The following PCDH15 variants were observed in gnomAD, a reference collection of about 807,000 sequenced individuals.
The protein encoded by PCDH15 is protocadherin-15.
Under a neutral mutation model 178.5 loss-of-function variants are expected in PCDH15, and 129 were observed. The ratio of observed to expected loss-of-function variants is 0.72; its 90% CI spans 0.63 to 0.84. The LOEUF is 0.84. Among genes scored for constraint, PCDH15 ranks in the 40% least tolerant of loss-of-function variants. PCDH15 has a pLI of 0.00. For missense variants in PCDH15, 2,230 were observed against 2,099.9 expected, an observed-to-expected ratio of 1.06 and a Z score of -1.21; for synonymous variants, 800 against 732.0, an observed-to-expected ratio of 1.09 and a Z score of -1.50.
chr10:54,015,328 G>T (rs565520689), intron 20 of PCDH15, among the ~76,000 whole-genome samples: 1 of 152,122 alleles, frequency 6.6e-6, no homozygotes, highest in South Asian at 2.1e-4. Flanking sequence ...TGGCCATACT[G>T]CCCAAAACAA....
At chr10:55,503,038 C>T (rs1840689359) in intron 2 of PCDH15, among the ~76,000 whole-genome samples, 1 of 151,390 alleles carries the variant, frequency 6.6e-6, no homozygotes, top group African/African-American at 2.4e-5. Context: ...TACAGATTAA[C>T]TCATTCATTA....
In PCDH15 at chr10:55,545,991, T is replaced by G. The variant is rs570781094; in HGVS notation, c.-156+81634A>C. On this transcript the variant is annotated intron_variant, in intron 2 of 5. Transcript: ENST00000613346. ...ACTTAATTAATAAAATAAATGCCTATAAAGAGAAAAGTCAATGATGTTATT... is the reference window on the plus strand; with the variant it reads ...ACTTAATTAATAAAATAAATGCCTAGAAAGAGAAAAGTCAATGATGTTATT... 3.9e-5 allele frequency among the ~76,000 whole-genome samples: 6 copies of G among 152,214 alleles called. No individual in the cohort carries two copies. In the South Asian group the frequency reaches 1.2e-3, roughly 32 times the overall value.
At chr10:55,315,859 T>C (rs1588905825) in intron 1 of PCDH15, among the ~76,000 whole-genome samples, 2 of 151,886 alleles carry the variant, frequency 1.3e-5, no homozygotes, top group East Asian at 1.9e-4. Context: ...CTACTAAAAA[T>C]ACAAAAATTT....
chr10:55,058,136 A>G (rs1479642673), intron 2 of PCDH15, among the ~76,000 whole-genome samples: 2 of 152,158 alleles, frequency 1.3e-5, no homozygotes, highest in African/African-American at 4.8e-5. Context: ...ATTCATTCAA[A>G]TGCATCCATG....
intron 2 of PCDH15, chr10:54,608,019 A>G (rs1045629763): frequency 2.2e-6 from 1 of 452,168 alleles, no homozygotes; most frequent in Non-Finnish European, 4.2e-6. Flanking sequence ...AGACTTGCAC[A>G]CATAAGGAAT....
intron 1 of PCDH15, among the ~76,000 whole-genome samples, chr10:55,274,858 G>A (rs1289368570): frequency 6.6e-6 from 1 of 151,932 alleles, no homozygotes; most frequent in Admixed American, 6.6e-5. Context: ...TCAAAATAGG[G>A]TCCCCGCTCT....
chr10:55,305,995 A>G (rs1203054239), intron 1 of PCDH15, among the ~76,000 whole-genome samples: 1 of 152,224 alleles, frequency 6.6e-6, no homozygotes, highest in Non-Finnish European at 1.5e-5. Flanking sequence ...TTTTACATTT[A>G]AAAACAACTT....
At chr10:54,316,572 ACAC>A (rs1467470500) in intron 8 of PCDH15, among the ~76,000 whole-genome samples, 7 of 42,964 alleles carry the variant, frequency 1.6e-4, no homozygotes, top group Non-Finnish European at 3.3e-4. Flanking sequence ...ACACACACAC[ACAC>A]AAATACACCT....
At chr10:54,102,322 C>T (rs559366951) in intron 15 of PCDH15, among the ~76,000 whole-genome samples, 104 of 152,296 alleles carry the variant, frequency 6.8e-4, no homozygotes, top group African/African-American at 2.1e-3. Context: ...CTGATGTTTC[C>T]GGTGGGCCTT....
intron 2 of PCDH15, among the ~76,000 whole-genome samples, chr10:54,565,015 G>T (rs2133437574): frequency 6.6e-6 from 1 of 152,232 alleles, no homozygotes; most frequent in South Asian, 2.1e-4. Context: ...GAAAACTGCA[G>T]ATGTCTATTC....
intron 2 of PCDH15, among the ~76,000 whole-genome samples, chr10:55,364,149 G>C (rs1588955992): frequency 6.6e-6 from 1 of 152,058 alleles, no homozygotes; most frequent in South Asian, 2.1e-4. Context: ...ACCTTGCGAA[G>C]AAAGGGCCTT....
At chr10:54,792,094 G>T (rs144115091) in intron 1 of PCDH15, among the ~76,000 whole-genome samples, 1 of 151,848 alleles carries the variant, frequency 6.6e-6, no homozygotes, top group African/African-American at 2.4e-5. Context: ...CCTTATTCTG[G>T]CCCATAATCT....
chr10:54,874,242 G>A (rs1476512112), intron 3 of PCDH15, among the ~76,000 whole-genome samples: 1 of 139,780 alleles, frequency 7.2e-6, no homozygotes, highest in African/African-American at 2.7e-5. Flanking sequence ...TTGTTCTTGC[G>A]ATAGTTTACT....
In PCDH15 at chr10:54,300,762, C is replaced by T. The variant is rs188334013; in HGVS notation, c.876+16509G>A. 1.5e-3 allele frequency among the ~76,000 whole-genome samples: 232 copies of T among 152,118 alleles called. 1 individual carries two copies. The highest frequency in any genetic ancestry group is 1.2e-3 in the Admixed American group (19 of 15,282). On this transcript the variant is annotated intron_variant, in intron 8 of 37. Transcript: ENST00000644397. ...CACACCAATCAGCACTTGGTAAAAT[C>T]GCACCAATCAGCACTCTGTGTCTAG...
intron 1 of PCDH15, among the ~76,000 whole-genome samples, chr10:55,242,018 A>G (rs1455782342): frequency 1.3e-5 from 2 of 152,214 alleles, no homozygotes; most frequent in African/African-American, 4.8e-5. Context: ...GAGAACACAT[A>G]ATAGTATTTT....
At chr10:53,814,045 A>G (rs1460492912) in intron 35 of PCDH15, among the ~76,000 whole-genome samples, 1 of 152,142 alleles carries the variant, frequency 6.6e-6, no homozygotes, top group Non-Finnish European at 1.5e-5. Flanking sequence ...ACTGAGACAA[A>G]AAGTCTAGAT....
rs966948 is a variant in PCDH15 at position 54,211,978 on chromosome 10, C to G, written c.1098+1958G>C. 2.8e-3 allele frequency among the ~76,000 whole-genome samples: 421 copies of G among 151,458 alleles called. 1 individual carries two copies. The highest frequency in any genetic ancestry group is 9.7e-3 in the African/African-American group (399 of 41,344). ...AAACTTCCATTAATAAAAGAAAGTG[C>G]TATTAAAACAAAAAAAAAATCTGTG... On this transcript the variant is annotated intron_variant, in intron 10 of 37. Coordinates refer to ENST00000644397, the MANE Select transcript of PCDH15 (RefSeq NM_001384140.1).
At chr10:55,053,244 T>C (rs1026235551) in intron 2 of PCDH15, among the ~76,000 whole-genome samples, 5 of 152,186 alleles carry the variant, frequency 3.3e-5, no homozygotes, top group African/African-American at 1.2e-4. Flanking sequence ...GTTCATATGA[T>C]AGATATCTTA....
chr10:54,421,931 A>ATATATATATACAC lies in PCDH15; in HGVS notation c.158-42990_158-42989insGTGTATATATATA, dbSNP rs1565232489. On this transcript the variant is annotated intron_variant, in intron 3 of 37. Coordinates refer to ENST00000644397, the MANE Select transcript of PCDH15 (RefSeq NM_001384140.1). ...TATACACTATATATATATATACACT[A>ATATATATATACAC]TATATATATATATAAAAATATATAT... Among the ~76,000 whole-genome samples the ATATATATATACAC allele has an allele frequency of 1.6e-3, 135 of 86,154 alleles. 8 individuals carry two copies. Among genetic ancestry groups the ATATATATATACAC allele is most frequent in the African/African-American group, 8.5e-3 (100 of 11,752 alleles). The allele number at this position is 86,154 out of a possible 152,430, so 56.5% of individuals were successfully genotyped here.
Sources: allele counts gnomAD v4.1 joint callset (sites outside exome capture counted in the v4.1 genomes callset), GRCh38; gene constraint gnomAD v4.1.1; transcripts MANE v1.5; gene names NCBI Gene and HGNC (gene_info 2026-07-23, HGNC 2026-07-21).